Variants in ARNT2 observed in about 807,000 individuals in gnomAD.
The protein encoded by ARNT2 is aryl hydrocarbon receptor nuclear translocator 2.
In ARNT2, 36 loss-of-function variants were observed where a neutral mutation model predicts 91.7. That is an observed-to-expected ratio of 0.39 (90% confidence interval 0.30 to 0.52). The LOEUF is 0.52. ARNT2 is among the 20% of genes least tolerant of loss of function. The pLI, the probability that ARNT2 is intolerant of heterozygous loss-of-function variation, is 0.72. For missense variants in ARNT2, 775 were observed against 939.3 expected (o/e 0.83, Z 2.29); for synonymous variants, 365 against 347.1 (o/e 1.05, Z -0.57).
intron 3 of ARNT2, among the ~76,000 whole-genome samples, chr15:80,462,054 G>T (rs899164640): frequency 6.6e-6 from 1 of 152,174 alleles, no homozygotes; most frequent in Non-Finnish European, 1.5e-5. Flanking sequence ...CCTGGTTCCT[G>T]TGCCTGTGTG....
intron 18 of ARNT2, 65 bp from the exon 19 acceptor site, chr15:80,593,535 G>A: frequency 2.2e-6 from 3 of 1,340,174 alleles, no homozygotes; most frequent in South Asian, 2.6e-5. Flanking sequence ...GGGCTCCTGG[G>A]ACATGCCCAG....
intron 8 of ARNT2, among the ~76,000 whole-genome samples, chr15:80,525,844 C>T (rs1267260129): frequency 6.6e-6 from 1 of 152,148 alleles, no homozygotes. Context: ...GGGAATGCTG[C>T]CCTTGCTTGC....
rs550917726 is a variant in ARNT2, at chr15:80,555,079, G to A, written c.1104G>A (p.Lys368=). Residue 368 remains lysine (K), a synonymous_variant, in exon 11 of 19, where the codon AAG becomes AAA. Coordinates refer to ENST00000303329, the MANE Select transcript of ARNT2 (RefSeq NM_014862.4). ...IGYQPQDLLG[K]DILEFCHPED... is the part of the protein sequence containing the mutation. ...CTTTTATTTAGGATCTTCTGGGAAA[G>A]GACATTTTGGAATTCTGCCACCCTG... 5.0e-6 allele frequency: 8 copies of A among 1,614,202 alleles called. No individual in the cohort carries two copies. In the East Asian group the frequency reaches 1.6e-4, roughly 31 times the overall value.
intron 5 of ARNT2, among the ~76,000 whole-genome samples, chr15:80,482,800 G>T (rs1054897214): frequency 1.3e-5 from 2 of 152,168 alleles, no homozygotes; most frequent in African/African-American, 4.8e-5. Context: ...TAGAAATGCA[G>T]ATTCTTCCCC....
chr15:80,423,903 A>C (rs1335297414), intron 1 of ARNT2, among the ~76,000 whole-genome samples: 1 of 152,226 alleles, frequency 6.6e-6, no homozygotes, highest in Non-Finnish European at 1.5e-5. Context: ...AAACTGGGAT[A>C]TCCAGGCAAG....
Position 80,581,349 on chromosome 15 carries a change from C to G in ARNT2, c.1863C>G (p.Thr621=). 1 of 1,614,216 alleles carries G rather than the reference C, an allele frequency of 6.2e-7. No individual in the cohort carries two copies. The highest frequency in any genetic ancestry group is 1.1e-5 in the South Asian group (1 of 91,078). The change falls in exon 17 of 19, where the codon ACC becomes ACG. Residue 621 remains threonine (T), a synonymous_variant. Transcript: ENST00000303329. ...ACAGCCCCCTCTCCAGCCCAGCTAC[C>G]TCCTCGCCAAGTGGGAATGCCTACT... is the stretch of plus-strand genomic sequence containing the variant. The part of the protein sequence containing the change: ...SSYSPLSSPA[T]SSPSGNAYSS...
chr15:80,512,399 C>T (rs1897357100), intron 6 of ARNT2, among the ~76,000 whole-genome samples: 1 of 152,218 alleles, frequency 6.6e-6, no homozygotes, highest in Non-Finnish European at 1.5e-5. Context: ...AAATCCTCTT[C>T]ACCACCTGCC....
At position 80,443,095 on chromosome 15, in the gene ARNT2, C is replaced by T. The variant is rs1252841469; in HGVS notation, c.32-7785C>T. 1.4e-5 allele frequency: 13 copies of T among 909,704 alleles called. No homozygotes were observed. In the South Asian group the frequency reaches 2.5e-4, roughly 18 times the overall value. 56.4% of individuals were successfully genotyped at this position (909,704 alleles called of 1,614,324 possible). ...GGGGAGGGGTTGTTCAGAGACAGGC[C>T]TCCTTGAGGAGTGATATTTGAGCAA... On this transcript the variant is annotated intron_variant, in intron 1 of 18. Transcript: ENST00000303329.
At chr15:80,467,944 G>A (rs1459906550) in intron 3 of ARNT2, among the ~76,000 whole-genome samples, 3 of 152,154 alleles carry the variant, frequency 2.0e-5, no homozygotes, top group Non-Finnish European at 4.4e-5. Flanking sequence ...AAGGGTTCCT[G>A]AATGCACTAA....
intron 5 of ARNT2, among the ~76,000 whole-genome samples, chr15:80,496,191 G>GA (rs997103846): frequency 9.3e-4 from 138 of 147,836 alleles, no homozygotes; most frequent in Middle Eastern, 7.0e-3. Context: ...ATATTATTTT[G>GA]AAAAAAAAAA....
chr15:80,455,934 G>T (rs183929440), intron 2 of ARNT2, among the ~76,000 whole-genome samples: 217 of 152,244 alleles, frequency 1.4e-3, no homozygotes, highest in Non-Finnish European at 2.2e-3. Context: ...CACGCACGGG[G>T]TGTTAAATAA....
chr15:80,430,654 T>G (rs1305435148), intron 1 of ARNT2, among the ~76,000 whole-genome samples: 1 of 152,240 alleles, frequency 6.6e-6, no homozygotes, highest in Non-Finnish European at 1.5e-5. Context: ...GGAATCTGCC[T>G]GATTCTTCAT....
intron 1 of ARNT2, among the ~76,000 whole-genome samples, chr15:80,417,013 A>T (rs74860347): frequency 0.025 from 3,833 of 151,736 alleles, 132 homozygotes; most frequent in African/African-American, 0.079. Flanking sequence ...GGGGTTTTTT[A>T]AAAAAAAATT....
chr15:80,550,549 GA>G (rs1226540032), intron 8 of ARNT2, among the ~76,000 whole-genome samples: 1 of 152,188 alleles, frequency 6.6e-6, no homozygotes, highest in Non-Finnish European at 1.5e-5. Flanking sequence ...CACTGTGAAG[GA>G]CCCCAGATAC....
intron 8 of ARNT2, among the ~76,000 whole-genome samples, chr15:80,550,369 T>A (rs1243024437): frequency 6.6e-6 from 1 of 152,194 alleles, no homozygotes; most frequent in Non-Finnish European, 1.5e-5. Flanking sequence ...CTTGTGTGAC[T>A]CTATCACTGT....
intron 5 of ARNT2, among the ~76,000 whole-genome samples, chr15:80,489,814 A>G (rs1430368357): frequency 6.6e-6 from 1 of 152,172 alleles, no homozygotes; most frequent in Non-Finnish European, 1.5e-5. Context: ...ACCGACAGCC[A>G]TGGTGGGGGG....
chr15:80,429,384 C>T (rs1257688126), intron 1 of ARNT2, among the ~76,000 whole-genome samples: 3 of 152,218 alleles, frequency 2.0e-5, no homozygotes, highest in Non-Finnish European at 4.4e-5. Context: ...ATAAAAACCC[C>T]TAAATGTTGG....
intron 5 of ARNT2, among the ~76,000 whole-genome samples, chr15:80,480,971 A>G (rs967287512): frequency 6.6e-5 from 10 of 152,152 alleles, no homozygotes; most frequent in Admixed American, 4.6e-4. Context: ...TATCTCCTAT[A>G]TGCAGGAATC....
chr15:80,576,303 G>A (rs536230141), intron 14 of ARNT2, among the ~76,000 whole-genome samples: 1 of 151,862 alleles, frequency 6.6e-6, no homozygotes, highest in South Asian at 2.1e-4. Flanking sequence ...TTGAGGTGGA[G>A]TCTTGCTCTG....
Sources: gnomAD v4.1 joint callset for allele counts (sites outside exome capture counted in the v4.1 genomes callset) on GRCh38, gnomAD v4.1.1 for gene constraint, MANE v1.5 for transcripts, NCBI Gene and HGNC (gene_info 2026-07-23, HGNC 2026-07-21) for gene names.